The following PLCL1 variants were observed in gnomAD, a reference collection of about 807,000 sequenced individuals.
The protein encoded by PLCL1 is inactive phospholipase C-like protein 1.
Under a neutral mutation model 84.4 loss-of-function variants are expected in PLCL1, and 41 were observed. The ratio of observed to expected loss-of-function variants is 0.49; its 90% CI spans 0.38 to 0.63. The LOEUF is 0.63. PLCL1 is among the 30% of genes least tolerant of loss of function. PLCL1 has a pLI of 0.00. For missense variants in PLCL1, 1,206 were observed against 1,367.8 expected, an observed-to-expected ratio of 0.88 and a Z score of 1.87; for synonymous variants, 490 against 488.3, an observed-to-expected ratio of 1.00 and a Z score of -0.05.
At chr2:197,904,203 C>T (rs1248503792) in intron 1 of PLCL1, among the ~76,000 whole-genome samples, 2 of 152,172 alleles carry the variant, frequency 1.3e-5, no homozygotes, top group Non-Finnish European at 2.9e-5. Flanking sequence ...CTGGTGTGAA[C>T]ATCAGACAGT....
intron 1 of PLCL1, among the ~76,000 whole-genome samples, chr2:198,009,355 T>G (rs2105828186): frequency 6.6e-6 from 1 of 152,164 alleles, no homozygotes; most frequent in South Asian, 2.1e-4. Context: ...TGAGTTAATT[T>G]TTATGTATGG....
At chr2:198,129,765 A>G (rs1367717808) in intron 5 of PLCL1, among the ~76,000 whole-genome samples, 1 of 152,054 alleles carries the variant, frequency 6.6e-6, no homozygotes, top group African/African-American at 2.4e-5. Context: ...CCTCGCCTAC[A>G]TAGTCAAACT....
At position 198,014,890 on chromosome 2, in the gene PLCL1, C is replaced by T. The variant is rs548648341; in HGVS notation, c.241-68868C>T. Among the ~76,000 whole-genome samples, 19 of 152,140 alleles carry T rather than the reference C, an allele frequency of 1.2e-4. 1 individual carries two copies. The highest frequency in any genetic ancestry group is 6.2e-4 in the South Asian group (3 of 4,828). On this transcript the variant is annotated intron_variant, in intron 1 of 5. Coordinates refer to ENST00000428675, the MANE Select transcript of PLCL1 (RefSeq NM_006226.4). Reference sequence around the variant, plus strand: ...CTTTTTATGTCATCAATTCTGAAAACGTAGGCTTATTACAGGAATTTTTCC... The same window carrying T: ...CTTTTTATGTCATCAATTCTGAAAATGTAGGCTTATTACAGGAATTTTTCC...
Position 197,916,672 on chromosome 2 carries a change from C to G in PLCL1, c.240+111333C>G, listed in dbSNP as rs113345570. Among the ~76,000 whole-genome samples the G allele has an allele frequency of 9.2e-5, 14 of 151,784 alleles. 3 individuals carry two copies. The highest frequency in any genetic ancestry group is 3.4e-4 in the African/African-American group (14 of 41,344). On this transcript the variant is annotated intron_variant, in intron 1 of 5. Transcript: ENST00000428675. ...AGCAGGCTTTCAGAGAAGGCCAATT[C>G]AAATTGCATACCAGATACTGCCCAA... is the stretch of plus-strand genomic sequence containing the variant.
At chr2:197,950,285 G>T (rs1332863197) in intron 1 of PLCL1, among the ~76,000 whole-genome samples, 1 of 151,976 alleles carries the variant, frequency 6.6e-6, no homozygotes, top group African/African-American at 2.4e-5. Context: ...TCCTTCTCTT[G>T]CCCCTCTCAG....
intron 1 of PLCL1, among the ~76,000 whole-genome samples, chr2:198,081,548 GAAACTGACCACTATAGGATAATT>G (rs1313487170): frequency 6.6e-6 from 1 of 152,144 alleles, no homozygotes; most frequent in Non-Finnish European, 1.5e-5. Context: ...TAAGGATGAG[GAAACTGACCACTATAGGATAATT>G]AAAAACAGCA....
chr2:198,131,150 C>T (rs1039649357), intron 5 of PLCL1, among the ~76,000 whole-genome samples: 2 of 152,146 alleles, frequency 1.3e-5, no homozygotes, highest in Non-Finnish European at 2.9e-5. Context: ...ATGGACTGTC[C>T]CTTCTTCCTT....
At chr2:198,101,093 G>T (rs963623883) in intron 3 of PLCL1, among the ~76,000 whole-genome samples, 192 bp from the exon 4 acceptor site, 1 of 152,050 alleles carries the variant, frequency 6.6e-6, no homozygotes, top group Non-Finnish European at 1.5e-5. Context: ...TCATAAGGAA[G>T]GTGACACTAG....
At chr2:197,885,484 C>T (rs1165192475) in intron 1 of PLCL1, among the ~76,000 whole-genome samples, 1 of 152,114 alleles carries the variant, frequency 6.6e-6, no homozygotes, top group Non-Finnish European at 1.5e-5. Context: ...TGGCTGATGC[C>T]CACAGTGGGG....
intron 3 of PLCL1, among the ~76,000 whole-genome samples, chr2:198,095,497 T>G (rs1693169940): frequency 6.6e-6 from 1 of 152,240 alleles, no homozygotes; most frequent in African/African-American, 2.4e-5. Context: ...TGGAGATGTT[T>G]AATTTGATAA....
At chr2:198,139,729 T>C (rs1382966790) in intron 5 of PLCL1, among the ~76,000 whole-genome samples, 2 of 152,126 alleles carry the variant, frequency 1.3e-5, no homozygotes, top group Admixed American at 6.6e-5. Flanking sequence ...CAAAGTCTGG[T>C]ATACAGTAAT....
intron 1 of PLCL1, among the ~76,000 whole-genome samples, chr2:198,076,570 A>C (rs1488762493): frequency 6.6e-6 from 1 of 152,170 alleles, no homozygotes; most frequent in African/African-American, 2.4e-5. Flanking sequence ...TAAGGGACCC[A>C]CTAGGGAAGG....
chr2:198,116,144 A>G (rs1448045077), intron 5 of PLCL1, among the ~76,000 whole-genome samples: 2 of 151,416 alleles, frequency 1.3e-5, no homozygotes, highest in African/African-American at 4.8e-5. Flanking sequence ...ACTTTTTTAA[A>G]GTCATATTGA....
chr2:198,081,633 C>A (rs974026928), intron 1 of PLCL1, among the ~76,000 whole-genome samples: 1 of 152,274 alleles, frequency 6.6e-6, no homozygotes. Flanking sequence ...CACCAACAGG[C>A]AATATTCTGT....
At chr2:198,140,974 G>A (rs753362360) in intron 5 of PLCL1, among the ~76,000 whole-genome samples, 38 of 152,072 alleles carry the variant, frequency 2.5e-4, no homozygotes, top group Middle Eastern at 3.2e-3. Context: ...AGGTGAGCAT[G>A]TCCAGTGTAA....
At chr2:197,891,996 G>A (rs992667518) in intron 1 of PLCL1, among the ~76,000 whole-genome samples, 2 of 152,132 alleles carry the variant, frequency 1.3e-5, no homozygotes, top group African/African-American at 4.8e-5. Context: ...ACGTGAGTGT[G>A]CTTTATGATC....
chr2:198,110,347 C>A (rs551008622), intron 5 of PLCL1, among the ~76,000 whole-genome samples: 2 of 151,884 alleles, frequency 1.3e-5, no homozygotes, highest in Non-Finnish European at 2.9e-5. Context: ...GTGGGAAGAG[C>A]AGAGATTGAA....
At chr2:198,137,755 CCCT>C (rs1349059304) in intron 5 of PLCL1, among the ~76,000 whole-genome samples, 1 of 152,162 alleles carries the variant, frequency 6.6e-6, no homozygotes, top group Non-Finnish European at 1.5e-5. Flanking sequence ...ACATTCTTTT[CCCT>C]CAAGTACTTA....
chr2:198,144,185 T>A (rs780296994), intron 5 of PLCL1, among the ~76,000 whole-genome samples: 1 of 152,290 alleles, frequency 6.6e-6, no homozygotes, highest in Non-Finnish European at 1.5e-5. Flanking sequence ...AAAATGATGT[T>A]TTTGTACGTT....
Sources: gnomAD v4.1 joint callset for allele counts (sites outside exome capture counted in the v4.1 genomes callset) on GRCh38, gnomAD v4.1.1 for gene constraint, MANE v1.5 for transcripts, NCBI Gene and HGNC (gene_info 2026-07-23, HGNC 2026-07-21) for gene names.